CLASRP: variants seen among roughly 807,000 people sequenced by gnomAD.
The protein encoded by CLASRP is CLK4 associating serine/arginine rich protein.
In CLASRP, 52 loss-of-function variants were observed where a neutral mutation model predicts 99.9. The observed-to-expected ratio is 0.52, with a 90% CI of 0.42 to 0.66. CLASRP has a LOEUF of 0.66. CLASRP is among the 30% of genes least tolerant of loss of function. The probability of loss-of-function intolerance (pLI) is 0.00; values close to 1 mark genes in which losing one functional copy is unlikely to be tolerated. For missense variants in CLASRP, 848 were observed against 999.2 expected (o/e 0.85, Z 2.04); for synonymous variants, 379 against 373.0 (o/e 1.02, Z -0.18).
intron 2 of CLASRP, among the ~76,000 whole-genome samples, chr19:45,041,518 G>T (rs1452862710): frequency 6.6e-6 from 1 of 152,168 alleles, no homozygotes; most frequent in Non-Finnish European, 1.5e-5. Context: ...TCTAGGTTCA[G>T]TGTTCCTGTC....
At chr19:45,048,935 G>A (rs1014083050) in intron 2 of CLASRP, among the ~76,000 whole-genome samples, 4 of 152,116 alleles carry the variant, frequency 2.6e-5, no homozygotes, top group African/African-American at 9.7e-5. Context: ...GCAGTGAGCC[G>A]AGATCGCGCC....
intron 5 of CLASRP, among the ~76,000 whole-genome samples, chr19:45,053,782 A>G (rs1972071259): frequency 6.6e-6 from 1 of 152,120 alleles, no homozygotes; most frequent in Non-Finnish European, 1.5e-5. Flanking sequence ...CCCAGCCAAG[A>G]ATACGTTTTT....
Position 45,064,390 on chromosome 19 carries a change from C to G in CLASRP, c.1169C>G (p.Ser390Cys), listed in dbSNP as rs140157080. The G allele has an allele frequency of 0.026, 39,695 of 1,532,070 alleles. 743 individuals are homozygous for G. Among genetic ancestry groups the G allele is most frequent in the Non-Finnish European group, 0.03 (34,070 of 1,142,772 alleles). 94.9% of individuals were successfully genotyped at this position (1,532,070 alleles called of 1,614,324 possible). A position where few individuals can be genotyped will look rare whatever the true frequency, so the allele number is the denominator to read the frequency against. Residue 390 changes from serine (S) to cysteine (C), a missense_variant, in exon 13 of 21, where the codon TCC becomes TGC. Physicochemically the swap from Ser to Cys is moderately radical, Grantham distance 112 (BLOSUM62 -1). This residue lies in a region of CLASRP where 489 missense variants were observed against 434.7 expected (regional missense o/e 1.12). Transcript: ENST00000221455. ...SSSSSSASRT[S>C]SSRSSSRSSS... The stretch of plus-strand genomic sequence containing the variant: ...TCCTCCTCTTCTGCCTCGAGGACCT[C>G]CAGCTCCCGCTCCAGCTCTCGCTCC...
intron 5 of CLASRP, among the ~76,000 whole-genome samples, chr19:45,053,507 T>C (rs1972066009): frequency 6.6e-6 from 1 of 152,132 alleles, no homozygotes; most frequent in Non-Finnish European, 1.5e-5. Flanking sequence ...AGGCGGAGTT[T>C]CGTTCTTGTT....
In CLASRP at chr19:45,064,022, G is replaced by C; in HGVS notation, c.916G>C (p.Glu306Gln). The C allele has an allele frequency of 6.2e-7, 1 of 1,611,308 alleles. No individual in the cohort carries two copies. The highest frequency in any genetic ancestry group is 1.7e-5 in the Admixed American group (1 of 59,790). ...TYDPYKRSPS[E>Q]SSSESRSRSR... ...CCTCCCTACCCGCAGGTCACCCTCG[G>C]AGTCCAGCTCAGAGTCCCGCTCCCG... Residue 306 changes from glutamate to glutamine, a missense_variant, in exon 12 of 21, where the codon GAG (glutamate) becomes CAG (glutamine). Around this residue, in one of 8 missense-constraint regions of CLASRP, gnomAD observed 489 missense variants for 434.7 expected, o/e 1.12. Transcript: ENST00000221455.
intron 2 of CLASRP, among the ~76,000 whole-genome samples, chr19:45,044,591 C>T (rs995441672): frequency 6.6e-6 from 1 of 152,062 alleles, no homozygotes; most frequent in Non-Finnish European, 1.5e-5. Context: ...TAGCAAGACC[C>T]CATCTCTGCA....
intron 13 of CLASRP, 74 bp downstream of exon 13, chr19:45,064,704 G>C: frequency 6.8e-7 from 1 of 1,466,632 alleles, no homozygotes; most frequent in Non-Finnish European, 9.0e-7. Flanking sequence ...AAGGTGCTCA[G>C]AGGGAGGAAA....
Position 45,067,534 on chromosome 19 carries a change from C to T in CLASRP, c.1607C>T (p.Pro536Leu), listed in dbSNP as rs778972422. The T allele has an allele frequency of 1.3e-4, 209 of 1,604,174 alleles. 1 individual carries two copies. The highest frequency in any genetic ancestry group is 1.6e-4 in the Non-Finnish European group (191 of 1,178,626). Residue 536 changes from proline (P) to leucine (L), a missense_variant, in exon 14 of 21, where the codon CCC becomes CTC. Pro to Leu is a moderately conservative substitution (Grantham distance 98). Coordinates refer to ENST00000221455, the MANE Select transcript of CLASRP (RefSeq NM_007056.3). This position sits in a 1 kb window ranked among gnomAD's most constrained non-coding sequence, Gnocchi z 4.9. ...CGCAGCCAGAGCCCCTCGCCATCAC[C>T]CGCAAGAGAGAAGCTGACCAGGCCG... is the stretch of plus-strand genomic sequence containing the variant. ...RSRSQSPSPS[P>L]AREKLTRPAA...
At chr19:45,068,311 TCC>T in intron 15 of CLASRP, 107 bp from the exon 16 acceptor site, 1 of 543,602 alleles carries the variant, frequency 1.8e-6, no homozygotes. Flanking sequence ...CACGTCGTTC[TCC>T]CCCCCCCACC....
chr19:45,067,935 G>A lies in CLASRP; in HGVS notation c.1668-80G>A, dbSNP rs1051325315. Reference sequence around the variant, plus strand: ...CATGCCTTGGCTACCTGGTCTGAGGGCAGTGCTGAGGCTGGGGTCAGAGGT... The same window carrying A: ...CATGCCTTGGCTACCTGGTCTGAGGACAGTGCTGAGGCTGGGGTCAGAGGT... On this transcript the variant is annotated intron_variant, in intron 14 of 20. Coordinates refer to ENST00000221455, the MANE Select transcript of CLASRP (RefSeq NM_007056.3). This position sits in a 1 kb window ranked among gnomAD's most constrained non-coding sequence, Gnocchi z 4.9. 2 of 1,057,168 alleles carry A rather than the reference G, an allele frequency of 1.9e-6. No homozygotes were observed. Among genetic ancestry groups the A allele is most frequent in the Non-Finnish European group, 3.0e-6 (2 of 673,598 alleles). The allele number at this position is 1,057,168 out of a possible 1,614,324, so 65.5% of individuals were successfully genotyped here. A position where few individuals can be genotyped will look rare whatever the true frequency, so the allele number is the denominator to read the frequency against.
intron 10 of CLASRP, among the ~76,000 whole-genome samples, chr19:45,061,849 T>C (rs928271668): frequency 1.3e-4 from 19 of 151,114 alleles, no homozygotes; most frequent in African/African-American, 4.6e-4. Context: ...GAGACAAGGA[T>C]TGGGAGGAGG....
rs1010611099 is a variant in CLASRP, at chr19:45,065,765, G to C, written c.1409+1135G>C. Reference sequence around the variant, plus strand: ...ACTGCAGGGCACCTGCCTGAGTGTAGAGTCCCTGGGCCTCTAATTCTGTAA... The same window carrying C: ...ACTGCAGGGCACCTGCCTGAGTGTACAGTCCCTGGGCCTCTAATTCTGTAA... On this transcript the variant is annotated intron_variant, in intron 13 of 20. Transcript: ENST00000221455. Among the ~76,000 whole-genome samples, 7 of 152,180 alleles carry C rather than the reference G, an allele frequency of 4.6e-5. No individual in the cohort carries two copies. The East Asian group carries it at 1.3e-3, about 29-fold the overall frequency.
Position 45,070,055 on chromosome 19 carries a change from G to A in CLASRP, c.1908G>A (p.Glu636=). ...AACGCCGAGAGAAGGAGAGAGAAGA[G>A]TGGGAACGCCAGTACAGCCGGCAGA... The part of the protein sequence containing the change: ...ERERREKERE[E]WERQYSRQSR... Residue 636 remains glutamate, a synonymous_variant, in exon 19 of 21, where the codon GAG becomes GAA. Transcript: ENST00000221455. The A allele has an allele frequency of 1.9e-6, 3 of 1,610,350 alleles. No individual in the cohort carries two copies. Among genetic ancestry groups the A allele is most frequent in the Non-Finnish European group, 2.5e-6 (3 of 1,176,566 alleles).
At chr19:45,070,454 G>C (rs1287412330) in intron 19 of CLASRP, 83 bp from the exon 20 acceptor site, 2 of 1,291,876 alleles carry the variant, frequency 1.5e-6, no homozygotes, top group South Asian at 1.2e-5. Flanking sequence ...CTGAAGTTCA[G>C]TTTTGAGGAC....
intron 2 of CLASRP, among the ~76,000 whole-genome samples, chr19:45,047,202 A>G (rs535062720): frequency 7.3e-4 from 111 of 152,312 alleles, no homozygotes; most frequent in African/African-American, 2.6e-3. Flanking sequence ...TTAAAAAAGA[A>G]AGAAATCCTG....
intron 11 of CLASRP, among the ~76,000 whole-genome samples, chr19:45,063,436 CTTTTTTTTTTT>C (rs565600159): frequency 1.3e-3 from 56 of 42,394 alleles, no homozygotes; most frequent in Non-Finnish European, 2.1e-3. Flanking sequence ...ATCTGCTTAT[CTTTTTTTTTTT>C]TTTTTTTTTT....
In CLASRP at chr19:45,067,701, G is replaced by A. The variant is rs1483168086; in HGVS notation, c.1667+107G>A. 6.3e-6 allele frequency: 7 copies of A among 1,108,734 alleles called. No homozygotes were observed. Among genetic ancestry groups the A allele is most frequent in the Non-Finnish European group, 8.9e-6 (7 of 785,900 alleles). The allele number at this position is 1,108,734 out of a possible 1,614,324, so 68.7% of individuals were successfully genotyped here. On this transcript the variant is annotated intron_variant, in intron 14 of 20. Coordinates refer to ENST00000221455, the MANE Select transcript of CLASRP (RefSeq NM_007056.3). The surrounding 1 kb of genome is among the most constrained non-coding windows in gnomAD (Gnocchi z 4.9). ...ACTTAGCCCTACCCTGGGAGGTCTG[G>A]GGGGTGGTGTATGGCCCTGGCCTGG...
In CLASRP at chr19:45,064,005, C is replaced by A; in HGVS notation, c.906-7C>A. On this transcript the variant is annotated splice_polypyrimidine_tract_variant and splice_region_variant and intron_variant, in intron 11 of 20. Transcript: ENST00000221455. Reference sequence around the variant, plus strand: ...GAGCTAGTGAGCCTCCTCCTCCCTACCCGCAGGTCACCCTCGGAGTCCAGC... The same window carrying A: ...GAGCTAGTGAGCCTCCTCCTCCCTAACCGCAGGTCACCCTCGGAGTCCAGC... 6.2e-7 allele frequency: 1 copy of A among 1,604,472 alleles called. No individual in the cohort carries two copies. The highest frequency in any genetic ancestry group is 8.5e-7 in the Non-Finnish European group (1 of 1,175,770).
At chr19:45,056,078 G>A (rs542317928) in intron 5 of CLASRP, among the ~76,000 whole-genome samples, 27 of 152,268 alleles carry the variant, frequency 1.8e-4, no homozygotes, top group Admixed American at 7.2e-4. Context: ...TGTGCAGTCA[G>A]AATGGCGTGT....
Sources: gnomAD v4.1 joint callset for allele counts (sites outside exome capture counted in the v4.1 genomes callset) on GRCh38, gnomAD v4.1.1 for gene constraint, gnomAD v4.1.1 regional missense constraint, Gnocchi (gnomAD v3.1) non-coding constraint, MANE v1.5 for transcripts, NCBI Gene and HGNC (gene_info 2026-07-23, HGNC 2026-07-21) for gene names.